Variants in SEMA4B observed in about 807,000 individuals in gnomAD.
The protein encoded by SEMA4B is semaphorin-4B.
Under a neutral mutation model 88.1 loss-of-function variants are expected in SEMA4B, and 55 were observed. The ratio of observed to expected loss-of-function variants is 0.62; its 90% CI spans 0.50 to 0.78. The LOEUF (loss-of-function observed/expected upper bound fraction) is 0.78, where lower values mean the gene tolerates loss of function less well. SEMA4B is among the 30% of genes least tolerant of loss of function. SEMA4B has a pLI of 0.00. For synonymous variants in SEMA4B, 525 were observed against 473.6 expected, an observed-to-expected ratio of 1.11 and a Z score of -1.41; for missense variants, 1,062 against 1,111.9, an observed-to-expected ratio of 0.96 and a Z score of 0.64.
chr15:90,202,765 G>C (rs1000950350), intron 1 of SEMA4B, among the ~76,000 whole-genome samples: 3 of 152,196 alleles, frequency 2.0e-5, no homozygotes, highest in Non-Finnish European at 4.4e-5. Flanking sequence ...GTATGACTTG[G>C]AATAAAGCAT....
chr15:90,224,939 T>G, intron 9 of SEMA4B, 29 bp from the exon 10 acceptor site: 1 of 1,591,338 alleles, frequency 6.3e-7, no homozygotes. Context: ...GAGGTGTGGC[T>G]GGCCTCACAC....
intron 4 of SEMA4B, 27 bp from the exon 5 acceptor site, chr15:90,220,955 T>G (rs776368175): frequency 6.7e-7 from 1 of 1,488,636 alleles, no homozygotes; most frequent in Non-Finnish European, 9.3e-7. Context: ...GGAGTGCCCC[T>G]GAGCCCATGT....
chr15:90,214,837 G>T (rs1961454704), intron 1 of SEMA4B: 1 of 368,268 alleles, frequency 2.7e-6, no homozygotes, highest in Admixed American at 3.8e-5. Flanking sequence ...TGCTGATGGA[G>T]ATGTTTTTCT....
rs983108313 is a variant in SEMA4B at position 90,202,560 on chromosome 15, G to A, written c.157+825G>A. Among the ~76,000 whole-genome samples the A allele has an allele frequency of 2.6e-5, 4 of 152,156 alleles. No homozygotes were observed. In the East Asian group the frequency reaches 7.7e-4, roughly 29 times the overall value. On this transcript the variant is annotated intron_variant, in intron 1 of 13. Transcript: ENST00000411539. ...CTCTTCTTGGGGCACTTGGGCTTTA[G>A]ATTCAGAGGGTCCTGGATCCCAAGC... is the stretch of plus-strand genomic sequence containing the variant.
chr15:90,225,666 G>A lies in SEMA4B; in HGVS notation c.1527G>A (p.Leu509=). 1 of 1,563,648 alleles carries A rather than the reference G, an allele frequency of 6.4e-7. No homozygotes were observed. Residue 509 remains leucine (L), a synonymous_variant, in exon 12 of 14, where the codon CTG becomes CTA. Coordinates refer to ENST00000411539, the MANE Select transcript of SEMA4B (RefSeq NM_198925.4). The stretch of plus-strand genomic sequence containing the variant: ...CCCCGTGTCTGGCTGTGCAGGGGCT[G>A]CTGTATGCGGCCTCACACTCGGGCG... ...QNLLLDTHRG[L]LYAASHSGVV...
chr15:90,190,907 C>G (rs567860895), intron 1 of SEMA4B, among the ~76,000 whole-genome samples: 1 of 152,300 alleles, frequency 6.6e-6, no homozygotes, highest in South Asian at 2.1e-4. Flanking sequence ...TTCCAAGTAG[C>G]TGGGACCACA....
At chr15:90,224,895 G>A in intron 9 of SEMA4B, 73 bp from the exon 10 acceptor site, 1 of 1,286,248 alleles carries the variant, frequency 7.8e-7, no homozygotes, top group Middle Eastern at 1.9e-4. Context: ...ACTGTCCACT[G>A]GGGAAGCAGG....
rs62019250 is a variant in SEMA4B at position 90,206,597 on chromosome 15, G to A, written c.157+4862G>A. On this transcript the variant is annotated intron_variant, in intron 1 of 13. Coordinates refer to ENST00000411539, the MANE Select transcript of SEMA4B (RefSeq NM_198925.4). ...GGCCGAGGAAGGCATTGCTGCTGGA[G>A]GGGTAATGGACATTAATGCTGCTTT... 5,415 of 554,678 alleles carry A rather than the reference G, an allele frequency of 9.8e-3. 31 individuals are homozygous for A. Among genetic ancestry groups the A allele is most frequent in the Non-Finnish European group, 0.014 (4,133 of 303,650 alleles). The allele number at this position is 554,678 out of a possible 1,614,324, so 34.4% of individuals were successfully genotyped here.
Position 90,224,848 on chromosome 15 carries a change from A to T in SEMA4B, c.1195-120A>T, listed in dbSNP as rs936478772. The T allele has an allele frequency of 1.3e-5, 10 of 790,896 alleles. No homozygotes were observed. In the African/African-American group the frequency reaches 1.7e-4, roughly 13 times the overall value. The allele number at this position is 790,896 out of a possible 1,614,324, so 49.0% of individuals were successfully genotyped here. A position where few individuals can be genotyped will look rare whatever the true frequency, so the allele number is the denominator to read the frequency against. On this transcript the variant is annotated intron_variant, in intron 9 of 13. Transcript: ENST00000411539. The stretch of plus-strand genomic sequence containing the variant: ...CTGGCTCTGTAGAGCACTGCCAGGG[A>T]TGTGCCCTGGCTCCGGGCGGGGGGA...
At chr15:90,201,048 A>G (rs34285875), upstream of SEMA4B, among the ~76,000 whole-genome samples, 17,134 of 152,178 alleles carry the variant, frequency 0.11, 1,152 homozygotes, top group Admixed American at 0.19. Flanking sequence ...CGTGTCCCCA[A>G]ACCAACGCCA....
chr15:90,227,693 T>C, intron 13 of SEMA4B, 51 bp downstream of exon 13: 1 of 1,587,390 alleles, frequency 6.3e-7, no homozygotes, highest in Non-Finnish European at 8.6e-7. Flanking sequence ...CAAGTGTGCT[T>C]GGAAGGCTCC....
In SEMA4B at chr15:90,221,606, C is replaced by G; in HGVS notation, c.710-8C>G. ...GCTGACTCTGAGCTCCTGACCTGGT[C>G]CCTACAGACCCAGCTTTTGTGGCCT... On this transcript the variant is annotated splice_region_variant and splice_polypyrimidine_tract_variant and intron_variant, in intron 6 of 13. Transcript: ENST00000411539. The G allele has an allele frequency of 6.2e-7, 1 of 1,613,954 alleles. No individual in the cohort carries two copies. The highest frequency in any genetic ancestry group is 8.5e-7 in the Non-Finnish European group (1 of 1,179,850).
intron 1 of SEMA4B, among the ~76,000 whole-genome samples, chr15:90,195,829 C>T (rs1255484157): frequency 2.0e-5 from 3 of 151,786 alleles, no homozygotes; most frequent in African/African-American, 4.8e-5. Flanking sequence ...AGGTTGGTCC[C>T]GAACCCCTGA....
intron 1 of SEMA4B, among the ~76,000 whole-genome samples, chr15:90,191,040 C>A (rs1039992387): frequency 3.3e-5 from 5 of 152,230 alleles, no homozygotes; most frequent in African/African-American, 9.6e-5. Flanking sequence ...GCAGACAGCG[C>A]CTCCTGAACT....
Position 90,225,730 on chromosome 15 carries a change from A to G in SEMA4B, c.1591A>G (p.Ser531Gly). ...CATGGCCAACTGCAGCCTGTACAGGAGCTGTGGGGACTGCCTCCTCGCCCG... is the reference window on the plus strand; with the variant it reads ...CATGGCCAACTGCAGCCTGTACAGGGGCTGTGGGGACTGCCTCCTCGCCCG... ...VPMANCSLYR[S>G]CGDCLLARDP... The change falls in exon 12 of 14, where the codon AGC becomes GGC. Residue 531 changes from serine to glycine, a missense_variant. Physicochemically the swap from Ser to Gly is moderately conservative, Grantham distance 56. Transcript: ENST00000411539. 6.4e-7 allele frequency: 1 copy of G among 1,573,014 alleles called. No individual in the cohort carries two copies. Among genetic ancestry groups the G allele is most frequent in the South Asian group, 1.2e-5 (1 of 85,668 alleles).
intron 1 of SEMA4B, among the ~76,000 whole-genome samples, chr15:90,215,443 C>T (rs1421918906): frequency 2.0e-5 from 3 of 152,114 alleles, no homozygotes; most frequent in East Asian, 1.9e-4. Flanking sequence ...CTAAATATAA[C>T]CTGAATTTTC....
Position 90,229,589 on chromosome 15 carries a change from G to T in SEMA4B, c.*946G>T. On this transcript the variant is annotated 3_prime_UTR_variant, in exon 14 of 14. Transcript: ENST00000411539. ...CAGCACAGGGGCCCTGAATTTATGT[G>T]GTTTTTATACATTTTTTAATAAGAT... 4.9e-5 allele frequency: 16 copies of T among 326,780 alleles called. No individual in the cohort carries two copies. Among genetic ancestry groups the T allele is most frequent in the East Asian group, 1.0e-4 (1 of 9,926 alleles). 20.2% of individuals were successfully genotyped at this position (326,780 alleles called of 1,614,324 possible).
At chr15:90,193,884 C>T (rs954788053) in intron 1 of SEMA4B, among the ~76,000 whole-genome samples, 2 of 150,964 alleles carry the variant, frequency 1.3e-5, no homozygotes, top group African/African-American at 4.9e-5. Flanking sequence ...CGGAGTTTCA[C>T]TCTTGTGCCC....
upstream of SEMA4B, among the ~76,000 whole-genome samples, chr15:90,197,680 G>A (rs556202908): frequency 1.3e-4 from 20 of 151,706 alleles, 1 homozygote; most frequent in Admixed American, 5.2e-4. Context: ...CTCATGATCC[G>A]CGCACCTCGG....
Sources: gnomAD v4.1 joint callset for allele counts (sites outside exome capture counted in the v4.1 genomes callset) on GRCh38, gnomAD v4.1.1 for gene constraint, MANE v1.5 for transcripts, NCBI Gene and HGNC (gene_info 2026-07-23, HGNC 2026-07-21) for gene names.